SUGCT: variants seen among roughly 807,000 people sequenced by gnomAD.
The protein encoded by SUGCT is succinyl-CoA:glutarate CoA-transferase.
Under a neutral mutation model 55.0 loss-of-function variants are expected in SUGCT, and 41 were observed. That is an observed-to-expected ratio of 0.74 (90% confidence interval 0.58 to 0.97). The LOEUF (loss-of-function observed/expected upper bound fraction) is 0.97. Ranked by LOEUF, SUGCT falls within the 50% of genes least tolerant of loss-of-function variation. The probability of loss-of-function intolerance (pLI) is 0.00; values close to 1 mark genes in which losing one functional copy is unlikely to be tolerated. For missense variants in SUGCT, 568 were observed against 547.8 expected (o/e 1.04, Z -0.37); for synonymous variants, 187 against 200.4 (o/e 0.93, Z 0.56).
chr7:40,222,651 G>A (rs1270080225), intron 6 of SUGCT, among the ~76,000 whole-genome samples: 1 of 152,146 alleles, frequency 6.6e-6, no homozygotes, highest in African/African-American at 2.4e-5. Context: ...AGACCAGCCT[G>A]GCTAACATGG....
Position 40,330,496 on chromosome 7 carries a change from C to G in SUGCT, c.816+13641C>G, listed in dbSNP as rs544235195. Among the ~76,000 whole-genome samples the G allele has an allele frequency of 3.3e-5, 5 of 150,788 alleles. No individual in the cohort carries two copies. In the East Asian group the frequency reaches 9.7e-4, roughly 29 times the overall value. On this transcript the variant is annotated intron_variant, in intron 9 of 13. Coordinates refer to ENST00000335693, the MANE Select transcript of SUGCT (RefSeq NM_001193313.2). ...TAGAAGATCCGATTTTTTTTTTTGC[C>G]GGATGCCTAGCTTGAGAAAAGTTAG...
At chr7:40,144,805 A>C (rs911984182) in intron 1 of SUGCT, among the ~76,000 whole-genome samples, 1 of 152,162 alleles carries the variant, frequency 6.6e-6, no homozygotes, top group African/African-American at 2.4e-5. Context: ...AGACCAAAGA[A>C]AGCCAAATAC....
the SUGCT span, among the ~76,000 whole-genome samples, chr7:40,870,407 C>A: frequency 6.6e-6 from 1 of 152,084 alleles, no homozygotes; most frequent in African/African-American, 2.4e-5. Context: ...CTTCTGTGTG[C>A]CATCAAATCT....
intron 13 of SUGCT, among the ~76,000 whole-genome samples, chr7:40,803,761 C>A (rs1474223031): frequency 6.6e-6 from 1 of 152,114 alleles, no homozygotes; most frequent in Non-Finnish European, 1.5e-5. Context: ...ATTTAAATTT[C>A]TTTAGGGTTC....
intron 10 of SUGCT, 127 bp downstream of exon 10, chr7:40,449,485 A>T: frequency 1.5e-6 from 1 of 682,172 alleles, no homozygotes; most frequent in South Asian, 1.7e-5. Flanking sequence ...ATTCATGCGC[A>T]TAAAGGATAA....
intron 9 of SUGCT, among the ~76,000 whole-genome samples, chr7:40,398,761 T>C (rs1263435211): frequency 6.6e-6 from 1 of 152,122 alleles, no homozygotes; most frequent in African/African-American, 2.4e-5. Flanking sequence ...AAAGATATAA[T>C]TTATTTAGCA....
At chr7:40,867,333 G>GTA in the SUGCT span, among the ~76,000 whole-genome samples, 1 of 150,978 alleles carries the variant, frequency 6.6e-6, no homozygotes, top group African/African-American at 2.4e-5. Context: ...ATATATATGT[G>GTA]TATATATATG....
intron 9 of SUGCT, among the ~76,000 whole-genome samples, chr7:40,370,564 GAGAGAGAGAGAGA>G (rs1224803127): frequency 1.3e-5 from 2 of 149,396 alleles, no homozygotes; most frequent in South Asian, 2.1e-4. Context: ...GAGGGCAAAG[GAGAGAGAGAGAGA>G]AGAGAGAGAG....
At chr7:40,591,702 G>A (rs912723864) in intron 12 of SUGCT, among the ~76,000 whole-genome samples, 7 of 152,130 alleles carry the variant, frequency 4.6e-5, no homozygotes, top group Admixed American at 2.6e-4. Context: ...AGCAGCCACC[G>A]CTTTGATCAG....
chr7:40,207,523 A>AT lies in SUGCT; in HGVS notation c.484+12465dup, dbSNP rs1445070937. Reference sequence around the variant, plus strand: ...AACAGTATGGACATTCCTCAAAAAAATTAAACACGGAAGCTGGGCGTGGTG... The same window carrying AT: ...AACAGTATGGACATTCCTCAAAAAAATTTAAACACGGAAGCTGGGCGTGGTG... On this transcript the variant is annotated intron_variant, in intron 6 of 13. Transcript: ENST00000335693. 2.6e-5 allele frequency among the ~76,000 whole-genome samples: 4 copies of AT among 152,294 alleles called. No individual in the cohort carries two copies. In the East Asian group the frequency reaches 7.7e-4, roughly 29 times the overall value.
At chr7:40,355,951 T>C (rs1237961248) in intron 9 of SUGCT, among the ~76,000 whole-genome samples, 1 of 152,268 alleles carries the variant, frequency 6.6e-6, no homozygotes, top group Non-Finnish European at 1.5e-5. Flanking sequence ...TTTCTCTTGA[T>C]ATTTTCCTTT....
chr7:40,624,208 T>C lies in SUGCT; in HGVS notation c.1090-125226T>C, dbSNP rs567523012. Among the ~76,000 whole-genome samples, 3 of 152,238 alleles carry C rather than the reference T, an allele frequency of 2.0e-5. No individual in the cohort carries two copies. The South Asian group carries it at 6.2e-4, about 32-fold the overall frequency. On this transcript the variant is annotated intron_variant, in intron 12 of 13. Transcript: ENST00000335693. Reference sequence around the variant, plus strand: ...TGAGACAGAGCACCCACCTCAGGCCTCCTCCCCCAGTATCTTCCTCTTGCT... The same window carrying C: ...TGAGACAGAGCACCCACCTCAGGCCCCCTCCCCCAGTATCTTCCTCTTGCT...
rs551189249 is a variant in SUGCT at position 40,202,485 on chromosome 7, C to T, written c.484+7425C>T. 3.9e-5 allele frequency among the ~76,000 whole-genome samples: 6 copies of T among 152,208 alleles called. No homozygotes were observed. The South Asian group carries it at 1.0e-3, about 26-fold the overall frequency. On this transcript the variant is annotated intron_variant, in intron 6 of 13. Transcript: ENST00000335693. ...CACATGCATGCATGTGTCTGCATGTCTATGTGTTTCGGAAGAGCCTAGTCA... is the reference window on the plus strand; with the variant it reads ...CACATGCATGCATGTGTCTGCATGTTTATGTGTTTCGGAAGAGCCTAGTCA...
intron 9 of SUGCT, among the ~76,000 whole-genome samples, chr7:40,424,059 C>T (rs1052136245): frequency 6.6e-6 from 1 of 152,054 alleles, no homozygotes; most frequent in Non-Finnish European, 1.5e-5. Context: ...ATCATACTTT[C>T]CCCTGTAAAT....
intron 12 of SUGCT, among the ~76,000 whole-genome samples, chr7:40,508,820 A>G (rs1792762316): frequency 6.6e-6 from 1 of 152,174 alleles, no homozygotes; most frequent in East Asian, 1.9e-4. Flanking sequence ...ACCCAAATGT[A>G]TCTTTACCCT....
chr7:40,382,572 C>CTTA (rs1325077043), intron 9 of SUGCT, among the ~76,000 whole-genome samples: 1 of 152,122 alleles, frequency 6.6e-6, no homozygotes, highest in Non-Finnish European at 1.5e-5. Flanking sequence ...TTACCTTTAA[C>CTTA]TCATAATTAT....
At chr7:40,242,949 T>A (rs1448928308) in intron 7 of SUGCT, among the ~76,000 whole-genome samples, 1 of 75,340 alleles carries the variant, frequency 1.3e-5, no homozygotes, top group East Asian at 4.3e-4. Flanking sequence ...TTTTTTTTTT[T>A]TTTTTTTTTT....
chr7:40,137,221 G>T (rs1379451526), intron 1 of SUGCT, among the ~76,000 whole-genome samples: 1 of 151,992 alleles, frequency 6.6e-6, no homozygotes, highest in Non-Finnish European at 1.5e-5. Context: ...TCGACCTCCT[G>T]GGCTCAAGTG....
At chr7:40,565,909 C>G (rs1796105757) in intron 12 of SUGCT, among the ~76,000 whole-genome samples, 1 of 151,906 alleles carries the variant, frequency 6.6e-6, no homozygotes, top group African/African-American at 2.4e-5. Flanking sequence ...AGAGAGGTTT[C>G]TCTTGATCAC....
Sources: gnomAD v4.1 joint callset for allele counts (sites outside exome capture counted in the v4.1 genomes callset) on GRCh38, gnomAD v4.1.1 for gene constraint, MANE v1.5 for transcripts, NCBI Gene and HGNC (gene_info 2026-07-23, HGNC 2026-07-21) for gene names.